C12orf42: variants seen among roughly 807,000 people sequenced by gnomAD.
C12orf42 encodes chromosome 12 open reading frame 42, also known as uncharacterized protein C12orf42.
In C12orf42, 25 loss-of-function variants were observed where a neutral mutation model predicts 21.6. The ratio of observed to expected loss-of-function variants is 1.16; its 90% CI spans 0.84 to 1.62. C12orf42 has a LOEUF of 1.62. C12orf42 is among the 40% of genes most tolerant of loss of function. The pLI is 0.00. For missense variants in C12orf42, 483 were observed against 459.3 expected (o/e 1.05, Z -0.47); for synonymous variants, 174 against 175.0 (o/e 0.99, Z 0.05).
intron 4 of C12orf42, among the ~76,000 whole-genome samples, chr12:103,309,500 G>A (rs1368874588): frequency 6.6e-6 from 1 of 152,124 alleles, no homozygotes; most frequent in African/African-American, 2.4e-5. Flanking sequence ...AAGACTACTA[G>A]TAGCTAAATT....
At chr12:103,317,470 T>G (rs1757416588) in intron 4 of C12orf42, among the ~76,000 whole-genome samples, 1 of 152,174 alleles carries the variant, frequency 6.6e-6, no homozygotes, top group Non-Finnish European at 1.5e-5. Flanking sequence ...GGACACAGAT[T>G]TATATTGGAA....
chr12:103,310,594 C>T (rs552438590), intron 4 of C12orf42, among the ~76,000 whole-genome samples: 2 of 152,296 alleles, frequency 1.3e-5, no homozygotes, highest in Non-Finnish European at 2.9e-5. Flanking sequence ...GTAAAGGCCA[C>T]GCTATCAATT....
chr12:103,509,936 A>C, the C12orf42 span, among the ~76,000 whole-genome samples: 1 of 152,222 alleles, frequency 6.6e-6, no homozygotes, highest in African/African-American at 2.4e-5. Flanking sequence ...TGCTGTAGAA[A>C]ACAGTGTGGA....
At chr12:103,359,608 A>G (rs1375089848) in intron 4 of C12orf42, among the ~76,000 whole-genome samples, 1 of 152,126 alleles carries the variant, frequency 6.6e-6, no homozygotes, top group Non-Finnish European at 1.5e-5. Flanking sequence ...TCATAAGGGC[A>G]TAAAACAAAT....
chr12:103,507,193 AT>A, the C12orf42 span, among the ~76,000 whole-genome samples: 4 of 37,392 alleles, frequency 1.1e-4, no homozygotes, highest in African/African-American at 1.7e-4. Flanking sequence ...TATAATATAT[AT>A]ATATTTATAT....
the C12orf42 span, among the ~76,000 whole-genome samples, chr12:103,070,619 C>T: frequency 6.6e-6 from 1 of 151,950 alleles, no homozygotes; most frequent in African/African-American, 2.4e-5. Context: ...TACATATATG[C>T]AAATGTACTC....
Position 103,326,876 on chromosome 12 carries a change from A to T in C12orf42, c.260-20531T>A, listed in dbSNP as rs148100008. ...TTGTTTACTTGTTTACTGTCTGGCT[A>T]CTGCACTAGAATGTACGCTCCATAA... On this transcript the variant is annotated intron_variant, in intron 4 of 5. Coordinates refer to ENST00000548883, the MANE Select transcript of C12orf42 (RefSeq NM_198521.5). 4.2e-3 allele frequency among the ~76,000 whole-genome samples: 635 copies of T among 152,280 alleles called. 4 individuals are homozygous for T. Among genetic ancestry groups the T allele is most frequent in the African/African-American group, 0.014 (600 of 41,554 alleles).
the C12orf42 span, among the ~76,000 whole-genome samples, chr12:103,525,616 G>A: frequency 6.6e-6 from 1 of 152,078 alleles, no homozygotes; most frequent in East Asian, 1.9e-4. Flanking sequence ...AACCCCATTA[G>A]CAAAATATTA....
At chr12:103,530,038 G>A in the C12orf42 span, among the ~76,000 whole-genome samples, 2 of 152,170 alleles carry the variant, frequency 1.3e-5, no homozygotes, top group South Asian at 4.1e-4. Context: ...ATTAAAATGT[G>A]TATTACTGAC....
At chr12:103,087,088 G>T in the C12orf42 span, among the ~76,000 whole-genome samples, 1 of 151,058 alleles carries the variant, frequency 6.6e-6, no homozygotes, top group African/African-American at 2.5e-5. Flanking sequence ...TTTTTTGTTT[G>T]TTTGTTTGTT....
chr12:103,144,890 T>A, the C12orf42 span, among the ~76,000 whole-genome samples: 7 of 152,268 alleles, frequency 4.6e-5, no homozygotes, highest in East Asian at 1.4e-3. Flanking sequence ...GCTAAACCAT[T>A]GCTGCTTGAG....
chr12:103,472,761 A>G (rs1953730121), intron 2 of C12orf42, among the ~76,000 whole-genome samples: 1 of 152,240 alleles, frequency 6.6e-6, no homozygotes, highest in Admixed American at 6.5e-5. Context: ...TGATAAAGGA[A>G]CAGAAGAAGC....
the C12orf42 span, among the ~76,000 whole-genome samples, chr12:103,165,769 C>T: frequency 2.4e-3 from 369 of 151,824 alleles, 3 homozygotes; most frequent in African/African-American, 8.4e-3. Flanking sequence ...AGGCCGGGCG[C>T]GGTGGCTCAC....
chr12:103,233,040 C>T (rs2033352070), downstream of C12orf42, among the ~76,000 whole-genome samples: 1 of 152,174 alleles, frequency 6.6e-6, no homozygotes, highest in Non-Finnish European at 1.5e-5. Flanking sequence ...GCTCTTCTAG[C>T]AACTTTGAAC....
intron 4 of C12orf42, among the ~76,000 whole-genome samples, chr12:103,320,062 A>G (rs550507657): frequency 4.6e-5 from 7 of 152,238 alleles, no homozygotes; most frequent in African/African-American, 1.2e-4. Flanking sequence ...ACCGAGAAAG[A>G]AAACGTTATA....
At chr12:103,386,944 T>A (rs1227971631) in intron 3 of C12orf42, among the ~76,000 whole-genome samples, 3 of 152,194 alleles carry the variant, frequency 2.0e-5, no homozygotes, top group African/African-American at 4.8e-5. Context: ...CAAAGTCACA[T>A]CCTGCAGCTC....
intron 2 of C12orf42, among the ~76,000 whole-genome samples, chr12:103,411,214 ACTAT>A (rs2048821463): frequency 6.6e-6 from 1 of 152,180 alleles, no homozygotes; most frequent in Admixed American, 6.5e-5. Flanking sequence ...TATATAAAAA[ACTAT>A]CTCTTTTAGT....
chr12:103,254,721 T>G lies in C12orf42; in HGVS notation c.*1366+8605A>C, dbSNP rs1418661519. Among the ~76,000 whole-genome samples the G allele has an allele frequency of 2.0e-5, 3 of 152,022 alleles. No homozygotes were observed. The East Asian group carries it at 5.8e-4, about 29-fold the overall frequency. ...GTGGGAGCTGAGCAATGAGAATACA[T>G]GGACACAGGAAGGGGAACAACACAA... is the stretch of plus-strand genomic sequence containing the variant. On this transcript the variant is annotated intron_variant and NMD_transcript_variant, in intron 10 of 10. Coordinates refer to the C12orf42 transcript ENST00000547347.
At chr12:103,269,264 G>A (rs757530764) in intron 6 of C12orf42, among the ~76,000 whole-genome samples, 13 of 152,108 alleles carry the variant, frequency 8.5e-5, no homozygotes, top group Non-Finnish European at 1.6e-4. Context: ...GCTGTTCAGA[G>A]GAAGGAAGCG....
Sources: allele counts gnomAD v4.1 joint callset (sites outside exome capture counted in the v4.1 genomes callset), GRCh38; gene constraint gnomAD v4.1.1; transcripts MANE v1.5; gene names NCBI Gene and HGNC (gene_info 2026-07-23, HGNC 2026-07-21).